The following SKAP1 variants were observed in gnomAD, a reference collection of about 807,000 sequenced individuals.
SKAP1 encodes src kinase associated phosphoprotein 1.
Under a neutral mutation model 58.5 loss-of-function variants are expected in SKAP1, and 44 were observed. The ratio of observed to expected loss-of-function variants is 0.75; its 90% CI spans 0.59 to 0.97. SKAP1 has a LOEUF of 0.97. Ranked by LOEUF, SKAP1 falls within the 50% of genes least tolerant of loss-of-function variation. The pLI is 0.00. For missense variants in SKAP1, 390 were observed against 435.2 expected (o/e 0.90, Z 0.92); for synonymous variants, 127 against 149.7 (o/e 0.85, Z 1.11).
At chr17:48,375,635 T>C (rs1397225515) in intron 2 of SKAP1, among the ~76,000 whole-genome samples, 1 of 152,206 alleles carries the variant, frequency 6.6e-6, no homozygotes. Flanking sequence ...ACAATCCCCA[T>C]ACTTCCTCCA....
chr17:48,184,857 A>G lies in SKAP1; in HGVS notation c.443-10T>C. 1 of 1,612,692 alleles carries G rather than the reference A, an allele frequency of 6.2e-7. No homozygotes were observed. The highest frequency in any genetic ancestry group is 8.5e-7 in the Non-Finnish European group (1 of 1,179,370). On this transcript the variant is annotated splice_polypyrimidine_tract_variant and intron_variant, in intron 6 of 12. Coordinates refer to ENST00000336915, the MANE Select transcript of SKAP1 (RefSeq NM_003726.4). ...CCTTTGGGCTGCTTGCCTGCAAGAC[A>G]GGAAAGCTCCCTGTATCCCTAGAGA...
At chr17:48,334,128 A>C (rs1411911560) in intron 4 of SKAP1, among the ~76,000 whole-genome samples, 2 of 151,974 alleles carry the variant, frequency 1.3e-5, no homozygotes, top group Non-Finnish European at 2.9e-5. Flanking sequence ...AAATATTCTG[A>C]TACCCCAAGA....
rs761919700 is a variant in SKAP1, at chr17:48,396,691, T to G, written c.141A>C (p.Gln47His). 6.2e-7 allele frequency: 1 copy of G among 1,608,960 alleles called. No homozygotes were observed. The highest frequency in any genetic ancestry group is 2.2e-5 in the East Asian group (1 of 44,786). Residue 47 changes from glutamine to histidine, a missense_variant, in exon 2 of 13, where the codon CAA becomes CAC. Gln to His is a conservative substitution (Grantham distance 24). Coordinates refer to ENST00000336915, the MANE Select transcript of SKAP1 (RefSeq NM_003726.4). ...HRDHILRGFQ[Q>H]IKARYYWDFQ... ...CAGTTTATACAAACCTGGCTTTGAT[T>G]TGCTGAAAGCCCCGTAGAATATGGT... is the stretch of plus-strand genomic sequence containing the variant.
chr17:48,381,422 A>G (rs2067213334), intron 2 of SKAP1, among the ~76,000 whole-genome samples: 1 of 152,174 alleles, frequency 6.6e-6, no homozygotes, highest in Admixed American at 6.5e-5. Context: ...TTCTGCATGC[A>G]ATGTGTCTTA....
At chr17:48,397,063 A>G in intron 1 of SKAP1, 2 of 388,114 alleles carry the variant, frequency 5.2e-6, no homozygotes, top group Non-Finnish European at 7.0e-6. Context: ...CTAAAATTTT[A>G]TATATACCTG....
upstream of SKAP1, chr17:48,430,402 G>A (rs892593200): frequency 2.9e-5 from 6 of 207,614 alleles, no homozygotes; most frequent in African/African-American, 1.4e-4. Flanking sequence ...CGCACCGTGC[G>A]AGGCCAAAGG....
chr17:48,203,796 C>G (rs1361441451), intron 4 of SKAP1: 2 of 152,160 alleles, frequency 1.3e-5, no homozygotes, highest in Non-Finnish European at 2.9e-5. Context: ...TTTTGAAAAG[C>G]CACTTCTAAT....
chr17:48,313,529 G>A (rs898049348), intron 4 of SKAP1, among the ~76,000 whole-genome samples: 1 of 152,000 alleles, frequency 6.6e-6, no homozygotes, highest in East Asian at 1.9e-4. Flanking sequence ...CAAGCTGCTT[G>A]GCAACAGACC....
intron 2 of SKAP1, chr17:48,377,166 A>G (rs2067160101): frequency 1.1e-5 from 1 of 94,554 alleles, no homozygotes. Context: ...GATGAGGTAA[A>G]GACTGACAAG....
chr17:48,343,223 T>TA (rs1367979298), intron 4 of SKAP1, among the ~76,000 whole-genome samples: 1 of 152,112 alleles, frequency 6.6e-6, no homozygotes, highest in Admixed American at 6.5e-5. Flanking sequence ...AACATTTGTT[T>TA]AAAAAAATGA....
At chr17:48,275,423 T>C (rs1243797365) in intron 4 of SKAP1, among the ~76,000 whole-genome samples, 1 of 152,230 alleles carries the variant, frequency 6.6e-6, no homozygotes, top group African/African-American at 2.4e-5. Flanking sequence ...TTGACATCTC[T>C]CAGGATATTA....
chr17:48,311,248 T>C (rs1284659411), intron 4 of SKAP1, among the ~76,000 whole-genome samples: 1 of 152,190 alleles, frequency 6.6e-6, no homozygotes, highest in Non-Finnish European at 1.5e-5. Flanking sequence ...GTTACGGATA[T>C]GGAACTGCTG....
chr17:48,239,875 A>AGAGAGAGG (rs1361799135), intron 4 of SKAP1, among the ~76,000 whole-genome samples: 7 of 151,882 alleles, frequency 4.6e-5, no homozygotes, highest in African/African-American at 1.2e-4. Flanking sequence ...AGAGAGAGAG[A>AGAGAGAGG]GAATGAACTT....
intron 4 of SKAP1, among the ~76,000 whole-genome samples, chr17:48,192,373 A>C (rs986457049): frequency 6.6e-6 from 1 of 152,138 alleles, no homozygotes; most frequent in African/African-American, 2.4e-5. Context: ...GAATCATAAA[A>C]GACATGTTAA....
In SKAP1 at chr17:48,286,993, G is replaced by A. The variant is rs2065838462; in HGVS notation, c.280+58912C>T. On this transcript the variant is annotated intron_variant, in intron 4 of 12. Transcript: ENST00000336915. The stretch of plus-strand genomic sequence containing the variant: ...CGCCTGTAATCCCAGCTACTCGGGA[G>A]GCTGGGACAGGAGAATTGCTTGAAC... Among the ~76,000 whole-genome samples, 4 of 152,098 alleles carry A rather than the reference G, an allele frequency of 2.6e-5. No individual in the cohort carries two copies. In the South Asian group the frequency reaches 8.3e-4, roughly 32 times the overall value.
At chr17:48,354,510 C>T (rs2066849824) in intron 3 of SKAP1, among the ~76,000 whole-genome samples, 2 of 152,146 alleles carry the variant, frequency 1.3e-5, no homozygotes, top group Non-Finnish European at 2.9e-5. Context: ...TCCAGGATGG[C>T]AAATGTGTGT....
chr17:48,137,041 T>A (rs565769082), intron 12 of SKAP1, 188 bp downstream of exon 12: 16 of 512,304 alleles, frequency 3.1e-5, no homozygotes, highest in Non-Finnish European at 5.3e-5. Context: ...TAAGTGACAC[T>A]GTCCCCAAAT....
the SKAP1 span, among the ~76,000 whole-genome samples, chr17:48,437,741 CAAAA>C: frequency 9.2e-5 from 6 of 65,538 alleles, no homozygotes; most frequent in African/African-American, 3.2e-4. Flanking sequence ...GACTCTGTCT[CAAAA>C]AAAAAAAAAA....
intron 4 of SKAP1, among the ~76,000 whole-genome samples, chr17:48,334,033 TA>T (rs1012860925): frequency 6.6e-6 from 1 of 151,886 alleles, no homozygotes; most frequent in Non-Finnish European, 1.5e-5. Flanking sequence ...AATTATATGA[TA>T]AAAAAGTTAT....
Sources: allele counts gnomAD v4.1 joint callset (sites outside exome capture counted in the v4.1 genomes callset), GRCh38; gene constraint gnomAD v4.1.1; transcripts MANE v1.5; gene names NCBI Gene and HGNC (gene_info 2026-07-23, HGNC 2026-07-21).